MYO18A: variants seen among roughly 807,000 people sequenced by gnomAD.
MYO18A encodes unconventional myosin-XVIIIa.
Under a neutral mutation model 235.8 loss-of-function variants are expected in MYO18A, and 78 were observed. The observed-to-expected ratio is 0.33, with a 90% CI of 0.28 to 0.40. MYO18A has a LOEUF of 0.40. Among genes scored for constraint, MYO18A ranks in the 10% least tolerant of loss-of-function variants. The pLI is 1.00. For synonymous variants in MYO18A, 977 were observed against 1,077.8 expected (o/e 0.91, Z 1.83); for missense variants, 2,215 against 2,699.3 (o/e 0.82, Z 3.98).
At chr17:29,107,915 C>CA (rs34077783) in intron 19 of MYO18A, among the ~76,000 whole-genome samples, 4,887 of 76,038 alleles carry the variant, frequency 0.064, 155 homozygotes, top group African/African-American at 0.11. Context: ...GACTGTGTCT[C>CA]AAAAAAAAAA....
intron 41 of MYO18A, chr17:29,075,212 G>A (rs1245718439): frequency 2.5e-5 from 8 of 316,584 alleles, no homozygotes; most frequent in East Asian, 1.8e-4. Flanking sequence ...ACCTTGAATC[G>A]CTGGCTTTTG....
rs755622516 is a variant in MYO18A, at chr17:29,087,006, C to T, written c.5642G>A (p.Arg1881Gln). The change falls in exon 38 of 42, where the codon CGG (arginine) becomes CAG (glutamine). Residue 1881 changes from arginine (R) to glutamine (Q), a missense_variant. Coordinates refer to ENST00000527372, the MANE Select transcript of MYO18A (RefSeq NM_078471.4). Reference protein sequence around the residue: ...EQNKRLQRQLRDTKEEMGELA... With the variant: ...EQNKRLQRQLQDTKEEMGELA... ...CTCGCCCATCTCCTCCTTGGTGTCC[C>T]GGAGCTGCCTCTGTAGCCGCTTGTT... 103 of 1,613,906 alleles carry T rather than the reference C, an allele frequency of 6.4e-5. No individual in the cohort carries two copies. Among genetic ancestry groups the T allele is most frequent in the Admixed American group, 2.2e-4 (13 of 60,002 alleles).
At chr17:29,136,248 A>AAAAAAG (rs2067597734) in intron 2 of MYO18A, among the ~76,000 whole-genome samples, 1 of 74,632 alleles carries the variant, frequency 1.3e-5, no homozygotes, top group African/African-American at 4.2e-5. Flanking sequence ...AAAAAAAAAA[A>AAAAAAG]AAATATATAT....
intron 2 of MYO18A, chr17:29,124,823 G>A (rs979588264): frequency 6.3e-6 from 4 of 632,856 alleles, no homozygotes; most frequent in Non-Finnish European, 6.7e-6. Context: ...GGGTGAAGGT[G>A]GGGGAGCTTG....
intron 15 of MYO18A, among the ~76,000 whole-genome samples, chr17:29,113,363 G>A (rs921495478): frequency 7.2e-5 from 11 of 152,204 alleles, no homozygotes; most frequent in African/African-American, 2.2e-4. Flanking sequence ...CCCTAATGGC[G>A]GACAATCGCC....
intron 2 of MYO18A, among the ~76,000 whole-genome samples, chr17:29,124,455 A>G (rs1276246017): frequency 6.6e-6 from 1 of 152,222 alleles, no homozygotes; most frequent in East Asian, 1.9e-4. Flanking sequence ...GGCCTGACAC[A>G]GAGCTGCACC....
chr17:29,080,812 C>T, intron 41 of MYO18A: 1 of 985,470 alleles, frequency 1.0e-6, no homozygotes, highest in Non-Finnish European at 1.2e-6. Context: ...TGGCTCCTCC[C>T]TGGGGCCCAC....
At chr17:29,083,100 C>T (rs2152726248) in intron 40 of MYO18A, among the ~76,000 whole-genome samples, 1 of 151,942 alleles carries the variant, frequency 6.6e-6, no homozygotes, top group East Asian at 1.9e-4. Flanking sequence ...GGGGCATCAG[C>T]ATTTCCAGAG....
intron 10 of MYO18A, among the ~76,000 whole-genome samples, chr17:29,116,700 CAT>C (rs60172869): frequency 0.37 from 30,358 of 81,454 alleles, 6,640 homozygotes; most frequent in East Asian, 0.82. Flanking sequence ...CATTTGTGCA[CAT>C]GTGTGTGTGC....
At chr17:29,075,800 T>C (rs1357842156) in intron 41 of MYO18A, 1 of 152,712 alleles carries the variant, frequency 6.5e-6, no homozygotes, top group Non-Finnish European at 1.5e-5. Context: ...TCAGTTCAAG[T>C]GCACTCTCGT....
intron 2 of MYO18A, among the ~76,000 whole-genome samples, chr17:29,153,141 G>C (rs2067993353): frequency 6.6e-6 from 1 of 151,844 alleles, no homozygotes; most frequent in Non-Finnish European, 1.5e-5. Flanking sequence ...TTGTTTGTTT[G>C]AGACAGGGTC....
chr17:29,133,761 C>T (rs1267400884), intron 2 of MYO18A: 2 of 1,281,868 alleles, frequency 1.6e-6, no homozygotes, highest in South Asian at 2.5e-5. Flanking sequence ...ATGCCAAGCA[C>T]ACAGGAAAAA....
chr17:29,120,934 G>A lies in MYO18A; in HGVS notation c.1585+64C>T. 18 of 1,567,472 alleles carry A rather than the reference G, an allele frequency of 1.1e-5. No individual in the cohort carries two copies. The highest frequency in any genetic ancestry group is 1.6e-5 in the Non-Finnish European group (18 of 1,153,088). The stretch of plus-strand genomic sequence containing the variant: ...AGAAAAAGAGCTGGCACTTAAGAGG[G>A]TGCTCTCTCCTCACTCCCCTCCCCT... On this transcript the variant is annotated intron_variant, in intron 6 of 41. Coordinates refer to ENST00000527372, the MANE Select transcript of MYO18A (RefSeq NM_078471.4). This position sits in a 1 kb window ranked among gnomAD's most constrained non-coding sequence, Gnocchi z 4.2.
intron 2 of MYO18A, among the ~76,000 whole-genome samples, chr17:29,134,981 A>G (rs2067562587): frequency 6.6e-6 from 1 of 152,160 alleles, no homozygotes; most frequent in African/African-American, 2.4e-5. Context: ...CTGTCCATCT[A>G]TGGATTAGAA....
chr17:29,130,299 C>CAGA (rs2067432154), intron 2 of MYO18A, among the ~76,000 whole-genome samples: 1 of 55,934 alleles, frequency 1.8e-5, no homozygotes, highest in African/African-American at 8.0e-5. Context: ...AACCCTGTCT[C>CAGA]AAAAAAAAAA....
intron 20 of MYO18A, among the ~76,000 whole-genome samples, chr17:29,105,820 T>C (rs996705060): frequency 2.0e-5 from 3 of 151,982 alleles, no homozygotes; most frequent in Non-Finnish European, 2.9e-5. Flanking sequence ...CTGAAGACCA[T>C]GAACCTGTAG....
Position 29,110,538 on chromosome 17 carries a change from C to T in MYO18A, c.2985G>A (p.Ser995=), listed in dbSNP as rs199625805. 998 of 1,610,514 alleles carry T rather than the reference C, an allele frequency of 6.2e-4. 5 individuals are homozygous for T. The African/African-American group carries it at 0.012, about 19-fold the overall frequency. Residue 995 remains serine (S), a synonymous_variant, in exon 18 of 42, where the codon TCG becomes TCA. Coordinates refer to ENST00000527372, the MANE Select transcript of MYO18A (RefSeq NM_078471.4). ...TGGTGGCCCGGCGCAGTGCCAGCTG[C>T]GAGCCGCCCTCCAGGCCCGCGATGG... ...SGSIAGLEGG[S]QLALRRATSM... is the part of the protein sequence containing the mutation.
chr17:29,128,698 A>G (rs1323447088), intron 2 of MYO18A, among the ~76,000 whole-genome samples: 1 of 152,166 alleles, frequency 6.6e-6, no homozygotes, highest in Non-Finnish European at 1.5e-5. Context: ...TACCCCAGGA[A>G]GCCCACTTTC....
At chr17:29,132,931 G>A (rs904385502) in intron 2 of MYO18A, among the ~76,000 whole-genome samples, 5 of 152,214 alleles carry the variant, frequency 3.3e-5, no homozygotes, top group African/African-American at 1.2e-4. Flanking sequence ...TGCTGCCCCA[G>A]GGATCACACC....
Sources: gnomAD v4.1 joint callset for allele counts (sites outside exome capture counted in the v4.1 genomes callset) on GRCh38, gnomAD v4.1.1 for gene constraint, Gnocchi (gnomAD v3.1) non-coding constraint, MANE v1.5 for transcripts, NCBI Gene and HGNC (gene_info 2026-07-23, HGNC 2026-07-21) for gene names.